ARHGEF10: variants seen among roughly 807,000 people sequenced by gnomAD.
The protein encoded by ARHGEF10 is Rho guanine nucleotide exchange factor 10, also known as Rho guanine nucleotide exchange factor (GEF) 10.
A neutral mutation model predicts 147.4 loss-of-function variants in ARHGEF10; 140 were observed. The observed-to-expected ratio is 0.95, with a 90% CI of 0.83 to 1.09. The LOEUF is 1.09. Ranked by LOEUF, ARHGEF10 falls within the 50% of genes least tolerant of loss-of-function variation. The pLI is 0.00. For missense variants in ARHGEF10, 2,222 were observed against 1,752.7 expected, an observed-to-expected ratio of 1.27 and a Z score of -4.78; for synonymous variants, 902 against 695.8, an observed-to-expected ratio of 1.30 and a Z score of -4.67.
rs1814760038 is a variant in ARHGEF10, at chr8:1,948,348, C to A, written c.3397+2693C>A. 6.6e-6 allele frequency among the ~76,000 whole-genome samples: 1 copy of A among 152,192 alleles called. No individual in the cohort carries two copies. Among genetic ancestry groups the A allele is most frequent in the Non-Finnish European group, 1.5e-5 (1 of 68,036 alleles). On this transcript the variant is annotated intron_variant, in intron 27 of 28. Coordinates refer to ENST00000349830, the MANE Select transcript of ARHGEF10 (RefSeq NM_014629.4). The surrounding 1 kb of genome is among the most constrained non-coding windows in gnomAD (Gnocchi z 4.9). ...TCTGCATTTTAGACCCGCATGAAAGCAAACACATGAGTCTGTCCAGATGGA... is the reference window on the plus strand; with the variant it reads ...TCTGCATTTTAGACCCGCATGAAAGAAAACACATGAGTCTGTCCAGATGGA...
intron 4 of ARHGEF10, among the ~76,000 whole-genome samples, chr8:1,861,651 G>T (rs2129078653): frequency 6.6e-6 from 1 of 152,194 alleles, no homozygotes; most frequent in East Asian, 1.9e-4. Flanking sequence ...AATCCTTAAA[G>T]AAAAATCTCA....
chr8:1,860,849 G>C (rs529842428), intron 4 of ARHGEF10, among the ~76,000 whole-genome samples: 1 of 152,158 alleles, frequency 6.6e-6, no homozygotes, highest in African/African-American at 2.4e-5. Context: ...GGGTCAAAGC[G>C]TGTGTCTCGC....
In ARHGEF10 at chr8:1,900,458, G is replaced by A. The variant is rs528355666; in HGVS notation, c.1650+1933G>A. ...CATGGTGACACAGCCCGACAGATGT[G>A]CTGGGATTCTAACACAGTTGTCTAG... On this transcript the variant is annotated intron_variant, in intron 15 of 28. Coordinates refer to ENST00000349830, the MANE Select transcript of ARHGEF10 (RefSeq NM_014629.4). Among the ~76,000 whole-genome samples the A allele has an allele frequency of 3.3e-5, 5 of 152,254 alleles. No homozygotes were observed. In the East Asian group the frequency reaches 9.7e-4, roughly 29 times the overall value.
In ARHGEF10 at chr8:1,885,608, A is replaced by G. The variant is rs375896651; in HGVS notation, c.1083A>G (p.Arg361=). The part of the protein sequence containing the change: ...RTKSLIAQDH[R]SSLEEEQNLF... ...TTTGACTTTTTTTTTAAGATCACAG[A>G]TCTTCTCTTGAGGAAGAACAGAATT... The change falls in exon 11 of 29, where the codon AGA becomes AGG. Residue 361 remains arginine (R), a synonymous_variant. Coordinates refer to ENST00000349830, the MANE Select transcript of ARHGEF10 (RefSeq NM_014629.4). 6.2e-6 allele frequency: 10 copies of G among 1,612,380 alleles called. No individual in the cohort carries two copies. The African/African-American group carries it at 8.0e-5, about 13-fold the overall frequency.
intron 18 of ARHGEF10, among the ~76,000 whole-genome samples, chr8:1,913,598 C>T (rs1585514768): frequency 6.6e-6 from 1 of 152,346 alleles, no homozygotes; most frequent in African/African-American, 2.4e-5. Flanking sequence ...GGACCAGCAT[C>T]TACCTGGTCC....
At chr8:1,955,470 G>C (rs952732487) in intron 28 of ARHGEF10, among the ~76,000 whole-genome samples, 10 of 146,590 alleles carry the variant, frequency 6.8e-5, no homozygotes, top group Non-Finnish European at 1.4e-4. Context: ...TGGGTAGCTA[G>C]GAGCATCCTG....
At chr8:1,850,019 CGGCT>C (rs1804942232) in intron 2 of ARHGEF10, among the ~76,000 whole-genome samples, 1 of 63,912 alleles carries the variant, frequency 1.6e-5, no homozygotes, top group Non-Finnish European at 3.3e-5. Flanking sequence ...GGGCGTGGGC[CGGCT>C]GCATGGACAC....
At chr8:1,855,940 A>C (rs959653363) in intron 2 of ARHGEF10, among the ~76,000 whole-genome samples, 1 of 151,934 alleles carries the variant, frequency 6.6e-6, no homozygotes, top group Non-Finnish European at 1.5e-5. Context: ...CCCCTTCTGA[A>C]ATAGGTTTTG....
intron 7 of ARHGEF10, among the ~76,000 whole-genome samples, chr8:1,875,770 G>A (rs1250979483): frequency 6.6e-6 from 1 of 152,190 alleles, no homozygotes; most frequent in African/African-American, 2.4e-5. Context: ...GCAAGTGTTG[G>A]CTTTGAATGT....
chr8:1,882,153 C>T (rs1205381664), intron 9 of ARHGEF10, among the ~76,000 whole-genome samples: 1 of 152,194 alleles, frequency 6.6e-6, no homozygotes, highest in East Asian at 1.9e-4. Context: ...TTGCATTCAG[C>T]CCCGTGGCTG....
rs1286549394 is a variant in ARHGEF10, at chr8:1,869,507, C to T, written c.679+257C>T. ...CAGAGGAGTAAAGGTACAGAAAATGCCGGCAAAGAGGTAGGAAACACAGAG... is the reference window on the plus strand; with the variant it reads ...CAGAGGAGTAAAGGTACAGAAAATGTCGGCAAAGAGGTAGGAAACACAGAG... On this transcript the variant is annotated intron_variant, in intron 7 of 28. Transcript: ENST00000349830. 5.0e-6 allele frequency: 3 copies of T among 605,520 alleles called. No individual in the cohort carries two copies. The East Asian group carries it at 8.8e-5, about 18-fold the overall frequency. The allele number at this position is 605,520 out of a possible 1,614,324, so 37.5% of individuals were successfully genotyped here. A position where few individuals can be genotyped will look rare whatever the true frequency, so the allele number is the denominator to read the frequency against.
Position 1,945,607 on chromosome 8 carries a change from C to T in ARHGEF10, c.3349C>T (p.His1117Tyr), listed in dbSNP as rs1006898043. The change falls in exon 27 of 29, where the codon CAC becomes TAC. Residue 1117 changes from histidine to tyrosine, a missense_variant. By Grantham distance (83) the His-to-Tyr change is moderately conservative. Transcript: ENST00000349830. ...CCTTTTTCACACGGAAACTCTCAAG[C>T]ACCTGCAGGACATCAACATCGCCAC... ...LRLFHTETLK[H>Y]LQDINIATPV... 2 of 1,614,252 alleles carry T rather than the reference C, an allele frequency of 1.2e-6. No individual in the cohort carries two copies. The highest frequency in any genetic ancestry group is 1.7e-6 in the Non-Finnish European group (2 of 1,180,046).
In ARHGEF10 at chr8:1,908,719, A is replaced by G. The variant is rs1027598728; in HGVS notation, c.1968-576A>G. On this transcript the variant is annotated intron_variant, in intron 17 of 28. Coordinates refer to ENST00000349830, the MANE Select transcript of ARHGEF10 (RefSeq NM_014629.4). The stretch of plus-strand genomic sequence containing the variant: ...AGGTCGTTTCCACTAGACTGTACAT[A>G]TGTGTTTTGTGTTTCTTCACGTATA... Among the ~76,000 whole-genome samples the G allele has an allele frequency of 7.3e-5, 10 of 136,268 alleles. No homozygotes were observed. The East Asian group carries it at 1.2e-3, about 16-fold the overall frequency. The allele number at this position is 136,268 out of a possible 152,430, so 89.4% of individuals were successfully genotyped here. A position where few individuals can be genotyped will look rare whatever the true frequency, so the allele number is the denominator to read the frequency against.
chr8:1,943,397 T>C (rs567915177), intron 26 of ARHGEF10, among the ~76,000 whole-genome samples: 3 of 151,404 alleles, frequency 2.0e-5, no homozygotes, highest in Non-Finnish European at 4.4e-5. Flanking sequence ...GGAGGTGGAG[T>C]GTCAGGGAAG....
intron 1 of ARHGEF10, among the ~76,000 whole-genome samples, chr8:1,842,322 G>A (rs534369349): frequency 6.6e-6 from 1 of 152,198 alleles, no homozygotes; most frequent in Admixed American, 6.5e-5. Context: ...GAGAGTGCCA[G>A]AGCCAGTGGC....
At chr8:1,890,856 T>C (rs926094752) in intron 11 of ARHGEF10, among the ~76,000 whole-genome samples, 4 of 152,134 alleles carry the variant, frequency 2.6e-5, no homozygotes, top group Admixed American at 2.6e-4. Context: ...GTACTGATTT[T>C]GGTGGATTTG....
chr8:1,917,941 G>A (rs185514434), intron 18 of ARHGEF10, among the ~76,000 whole-genome samples: 3,279 of 151,428 alleles, frequency 0.022, 54 homozygotes, highest in Non-Finnish European at 0.037. Flanking sequence ...ACCATGCCTG[G>A]CTAATTTTTT....
chr8:1,888,213 C>CGAGGGTTGCGAGGAGACCCTGAGTGGGGT (rs1808927410), intron 11 of ARHGEF10, among the ~76,000 whole-genome samples: 2 of 26,372 alleles, frequency 7.6e-5, no homozygotes, highest in African/African-American at 3.5e-4. Flanking sequence ...CTTAGTGGGG[C>CGAGGGTTGCGAGGAGACCCTGAGTGGGGT]GAGGGTTGCG....
In ARHGEF10 at chr8:1,921,783, G is replaced by A. The variant is rs142544241; in HGVS notation, c.2144-1181G>A. On this transcript the variant is annotated intron_variant, in intron 18 of 28. Transcript: ENST00000349830. Reference sequence around the variant, plus strand: ...ACAGAATTTCAGGAGGTCCACATCCGAGCCTGAGACCAAGTTCTGGGCCCT... The same window carrying A: ...ACAGAATTTCAGGAGGTCCACATCCAAGCCTGAGACCAAGTTCTGGGCCCT... Among the ~76,000 whole-genome samples the A allele has an allele frequency of 2.6e-4, 39 of 152,094 alleles. No individual in the cohort carries two copies. In the East Asian group the frequency reaches 5.8e-3, roughly 23 times the overall value.
Sources: allele counts gnomAD v4.1 joint callset (sites outside exome capture counted in the v4.1 genomes callset), GRCh38; gene constraint gnomAD v4.1.1; non-coding constraint Gnocchi (gnomAD v3.1); transcripts MANE v1.5; gene names NCBI Gene and HGNC (gene_info 2026-07-23, HGNC 2026-07-21).